Variants in GLRX3 observed in about 807,000 individuals in gnomAD.
GLRX3 encodes the protein glutaredoxin 3, also known as glutaredoxin-3.
A neutral mutation model predicts 49.5 loss-of-function variants in GLRX3; 22 were observed. The observed-to-expected ratio is 0.44, with a 90% confidence interval of 0.32 to 0.63. The LOEUF (loss-of-function observed/expected upper bound fraction) is 0.63. Ranked by LOEUF, GLRX3 falls within the 30% of genes least tolerant of loss-of-function variation. GLRX3 has a pLI of 0.05. For synonymous variants in GLRX3, 133 were observed against 140.0 expected (o/e 0.95, Z 0.35); for missense variants, 385 against 396.3 (o/e 0.97, Z 0.24).
intron 2 of GLRX3, among the ~76,000 whole-genome samples, chr10:130,148,760 A>G (rs1311602937): frequency 3.3e-5 from 5 of 151,910 alleles, no homozygotes; most frequent in Non-Finnish European, 7.4e-5. Flanking sequence ...TATTGATGAT[A>G]TGGTCGTAAA....
intron 4 of GLRX3, among the ~76,000 whole-genome samples, chr10:130,164,758 A>G (rs1862649547): frequency 2.0e-5 from 3 of 152,222 alleles, no homozygotes; most frequent in South Asian, 2.1e-4. Flanking sequence ...CTACCAATCA[A>G]TCTTTCTAGT....
At chr10:130,162,794 C>T (rs529473799) in intron 4 of GLRX3, among the ~76,000 whole-genome samples, 2 of 152,154 alleles carry the variant, frequency 1.3e-5, no homozygotes, top group African/African-American at 2.4e-5. Flanking sequence ...TCATGCCAGG[C>T]GAGCCTCAGG....
chr10:130,163,909 G>A (rs1862631516), intron 4 of GLRX3, among the ~76,000 whole-genome samples: 1 of 152,338 alleles, frequency 6.6e-6, no homozygotes, highest in South Asian at 2.1e-4. Context: ...AGCTTTGAAA[G>A]TGCTATCTCT....
At chr10:130,143,900 C>T (rs1429059051) in intron 1 of GLRX3, among the ~76,000 whole-genome samples, 1 of 152,010 alleles carries the variant, frequency 6.6e-6, no homozygotes, top group Admixed American at 6.6e-5. Flanking sequence ...GGTTTCACCA[C>T]ATTAGCCAGG....
chr10:130,179,098 A>G (rs1862977621), intron 10 of GLRX3, among the ~76,000 whole-genome samples: 1 of 152,206 alleles, frequency 6.6e-6, no homozygotes, highest in African/African-American at 2.4e-5. Context: ...TCGGCCTCCC[A>G]AAGTGCTGGG....
chr10:130,138,616 T>G (rs1180054352), intron 1 of GLRX3, among the ~76,000 whole-genome samples: 1 of 152,136 alleles, frequency 6.6e-6, no homozygotes, highest in Non-Finnish European at 1.5e-5. Flanking sequence ...GAGGGACATG[T>G]GACATTTACT....
At position 130,166,947 on chromosome 10, in the gene GLRX3, C is replaced by G. The variant is rs138874160; in HGVS notation, c.680C>G (p.Thr227Arg). Reference sequence around the variant, plus strand: ...CTAGAAGCATCTGAAGAACTAGATACAATTTGTCCCAAAGCTCCCAAATTA... The same window carrying G: ...CTAGAAGCATCTGAAGAACTAGATAGAATTTGTCCCAAAGCTCCCAAATTA... ...KELEASEELDTICPKAPKLEE... is the reference protein window; with the variant it reads ...KELEASEELDRICPKAPKLEE... Residue 227 changes from threonine (T) to arginine (R), a missense_variant, in exon 6 of 11, where the codon ACA becomes AGA. Coordinates refer to ENST00000331244, the MANE Select transcript of GLRX3 (RefSeq NM_006541.5). 12 of 1,596,978 alleles carry G rather than the reference C, an allele frequency of 7.5e-6. 1 individual carries two copies. In the Admixed American group the frequency reaches 1.7e-4, roughly 23 times the overall value.
At chr10:130,151,500 T>C (rs1384671321) in intron 2 of GLRX3, among the ~76,000 whole-genome samples, 2 of 152,144 alleles carry the variant, frequency 1.3e-5, no homozygotes, top group Non-Finnish European at 2.9e-5. Context: ...TAGGTATTTC[T>C]CCTAACGCTA....
At chr10:130,140,340 A>G (rs1374423343) in intron 1 of GLRX3, among the ~76,000 whole-genome samples, 1 of 152,236 alleles carries the variant, frequency 6.6e-6, no homozygotes, top group African/African-American at 2.4e-5. Context: ...ATATGGGGCT[A>G]TCCATTAAGA....
chr10:130,137,713 T>C (rs1327232279), intron 1 of GLRX3, among the ~76,000 whole-genome samples: 1 of 152,176 alleles, frequency 6.6e-6, no homozygotes, highest in Admixed American at 6.5e-5. Context: ...GAATGGTTCA[T>C]GGAATTCACA....
Position 130,137,102 on chromosome 10 carries a change from A to T in GLRX3, c.92+590A>T, listed in dbSNP as rs578027699. ...TGGCTGCCTTTTGAAGTCAGCCTTTAAAGTTTGTTGGACAGCAGGTAGCCT... is the reference window on the plus strand; with the variant it reads ...TGGCTGCCTTTTGAAGTCAGCCTTTTAAGTTTGTTGGACAGCAGGTAGCCT... On this transcript the variant is annotated intron_variant, in intron 1 of 10. Coordinates refer to ENST00000331244, the MANE Select transcript of GLRX3 (RefSeq NM_006541.5). Among the ~76,000 whole-genome samples the T allele has an allele frequency of 1.6e-4, 24 of 152,326 alleles. No homozygotes were observed. The East Asian group carries it at 1.9e-3, about 12-fold the overall frequency.
chr10:130,153,247 T>C (rs1210278958), intron 2 of GLRX3, among the ~76,000 whole-genome samples: 1 of 152,228 alleles, frequency 6.6e-6, no homozygotes, highest in Non-Finnish European at 1.5e-5. Context: ...TAGAACATGC[T>C]CCTTTAGCTA....
At chr10:130,148,433 CTTTTTTTTTTTTTTT>C (rs57482969) in intron 2 of GLRX3, among the ~76,000 whole-genome samples, 4 of 70,584 alleles carry the variant, frequency 5.7e-5, no homozygotes, top group South Asian at 5.9e-4. Context: ...GCCCTTCAGT[CTTTTTTTTTTTTTTT>C]TTTTTTTTTT....
chr10:130,179,095 C>T (rs1295464875), intron 10 of GLRX3, among the ~76,000 whole-genome samples: 1 of 152,200 alleles, frequency 6.6e-6, no homozygotes, highest in East Asian at 1.9e-4. Flanking sequence ...ACCTCGGCCT[C>T]CCAAAGTGCT....
chr10:130,150,425 AC>A (rs1862353486), intron 2 of GLRX3, among the ~76,000 whole-genome samples: 1 of 152,118 alleles, frequency 6.6e-6, no homozygotes, highest in Non-Finnish European at 1.5e-5. Flanking sequence ...AGTCAGACTT[AC>A]CAGCTAGCTG....
chr10:130,164,704 C>T (rs890165301), intron 4 of GLRX3, among the ~76,000 whole-genome samples: 47 of 152,300 alleles, frequency 3.1e-4, no homozygotes, highest in African/African-American at 7.7e-4. Context: ...TATCCTTAAG[C>T]GTAACATTTC....
chr10:130,165,492 A>T (rs1031638449), intron 4 of GLRX3, among the ~76,000 whole-genome samples: 6 of 152,238 alleles, frequency 3.9e-5, no homozygotes, highest in Non-Finnish European at 7.3e-5. Flanking sequence ...GTAGTAAAAA[A>T]ATTACATTAC....
intron 2 of GLRX3, among the ~76,000 whole-genome samples, chr10:130,146,586 G>A (rs941947447): frequency 6.6e-6 from 1 of 152,196 alleles, no homozygotes; most frequent in Non-Finnish European, 1.5e-5. Flanking sequence ...TACTGGTTTA[G>A]GCAGCAGGGC....
At chr10:130,176,276 C>T (rs1281521733) in intron 10 of GLRX3, among the ~76,000 whole-genome samples, 2 of 152,008 alleles carry the variant, frequency 1.3e-5, no homozygotes, top group African/African-American at 2.4e-5. Context: ...CCCGCCACCA[C>T]GCCCCACTAA....
Sources: allele counts gnomAD v4.1 joint callset (sites outside exome capture counted in the v4.1 genomes callset), GRCh38; gene constraint gnomAD v4.1.1; transcripts MANE v1.5; gene names NCBI Gene and HGNC (gene_info 2026-07-23, HGNC 2026-07-21).